The following SMAD6 variants were observed in gnomAD, a reference collection of about 807,000 sequenced individuals.
SMAD6 encodes SMAD family member 6.
SMAD6 carries 103 observed loss-of-function variants against 39.4 expected under a neutral mutation model. That is an observed-to-expected ratio of 2.62 (90% CI 2.23 to 3.08). SMAD6 has a LOEUF of 3.08. Among genes scored for constraint, SMAD6 ranks in the 30% most tolerant of loss-of-function variants. The pLI is 0.00. For missense variants in SMAD6, 1,104 were observed against 742.9 expected, an observed-to-expected ratio of 1.49 and a Z score of -5.65; for synonymous variants, 445 against 353.3, an observed-to-expected ratio of 1.26 and a Z score of -2.91.
intron 3 of SMAD6, among the ~76,000 whole-genome samples, chr15:66,757,948 G>T (rs116893464): frequency 6.6e-6 from 1 of 152,204 alleles, no homozygotes; most frequent in Non-Finnish European, 1.5e-5. Flanking sequence ...GCACTTTCCC[G>T]TGGCCACCAG....
At position 66,703,784 on chromosome 15, in the gene SMAD6, A is replaced by G; in HGVS notation, c.526A>G (p.Thr176Ala). Residue 176 changes from threonine (T) to alanine (A), a missense_variant, in exon 1 of 4, where the codon ACG (threonine) becomes GCG (alanine). Transcript: ENST00000288840. ...LLLEQELKTV[T>A]YSLLKRLKER... ...GCTGGAGCAGGAACTCAAAACCGTC[A>G]CGTACTCGCTGCTGAAGCGGCTCAA... is the stretch of plus-strand genomic sequence containing the variant. 2 of 1,439,790 alleles carry G rather than the reference A, an allele frequency of 1.4e-6. No individual in the cohort carries two copies. Among genetic ancestry groups the G allele is most frequent in the African/African-American group, 1.5e-5 (1 of 67,816 alleles). The allele number at this position is 1,439,790 out of a possible 1,614,324, so 89.2% of individuals were successfully genotyped here. A position where few individuals can be genotyped will look rare whatever the true frequency, so the allele number is the denominator to read the frequency against.
chr15:66,708,715 T>C (rs915319066), intron 1 of SMAD6: 11 of 471,600 alleles, frequency 2.3e-5, no homozygotes, highest in Non-Finnish European at 4.4e-5. Context: ...ATGTCCAGAA[T>C]GGGCAAACCC....
chr15:66,760,637 G>C (rs550545403), intron 3 of SMAD6, among the ~76,000 whole-genome samples: 40 of 152,320 alleles, frequency 2.6e-4, no homozygotes, highest in African/African-American at 9.4e-4. Context: ...AAGTGGCAGA[G>C]CTAGGATTTG....
At position 66,781,308 on chromosome 15, in the gene SMAD6, G is replaced by C. The variant is rs1271966185; in HGVS notation, c.1264G>C (p.Gly422Arg). The change falls in exon 4 of 4, where the codon GGC becomes CGC. Residue 422 changes from glycine to arginine, a missense_variant. Gly to Arg is a moderately radical substitution (Grantham distance 125). Coordinates refer to ENST00000288840, the MANE Select transcript of SMAD6 (RefSeq NM_005585.5). ...VNSPTLDAPG[G>R]RALVVRKVPP... Reference sequence around the variant, plus strand: ...CTCCCCGACGCTGGACGCGCCCGGCGGCCGCGCCCTGGTCGTGCGCAAGGT... The same window carrying C: ...CTCCCCGACGCTGGACGCGCCCGGCCGCCGCGCCCTGGTCGTGCGCAAGGT... 6.2e-7 allele frequency: 1 copy of C among 1,601,380 alleles called. No individual in the cohort carries two copies. The highest frequency in any genetic ancestry group is 8.5e-7 in the Non-Finnish European group (1 of 1,175,466).
intron 1 of SMAD6, chr15:66,708,857 G>A (rs971307914): frequency 2.3e-5 from 10 of 427,022 alleles, no homozygotes; most frequent in Non-Finnish European, 5.0e-5. Flanking sequence ...GTTGATGGTT[G>A]CACAACACTG....
intron 3 of SMAD6, among the ~76,000 whole-genome samples, chr15:66,778,197 C>G (rs888382651): frequency 1.3e-5 from 2 of 151,792 alleles, no homozygotes; most frequent in Non-Finnish European, 2.9e-5. Flanking sequence ...CCTCCTGTCT[C>G]AGCTTCCCAA....
At chr15:66,706,850 T>G (rs949254139) in intron 1 of SMAD6, 3 of 152,254 alleles carry the variant, frequency 2.0e-5, no homozygotes, top group African/African-American at 7.2e-5. Context: ...TCAACTTGAG[T>G]TGTGGCCTTG....
rs896830747 is a variant in SMAD6 at position 66,747,363 on chromosome 15, G to A, written c.952+30865G>A. 1.3e-5 allele frequency among the ~76,000 whole-genome samples: 2 copies of A among 152,252 alleles called. No individual in the cohort carries two copies. The highest frequency in any genetic ancestry group is 2.9e-5 in the Non-Finnish European group (2 of 68,040). The stretch of plus-strand genomic sequence containing the variant: ...GTGCTAAGGAGCCTGGCTTTGATTT[G>A]GACTGCCTCCGTCAGCAGGAGGCTC... On this transcript the variant is annotated intron_variant, in intron 3 of 3. Coordinates refer to ENST00000288840, the MANE Select transcript of SMAD6 (RefSeq NM_005585.5). The surrounding 1 kb of genome is among the most constrained non-coding windows in gnomAD (Gnocchi z 4.5).
At chr15:66,755,815 C>T (rs1227447706) in intron 3 of SMAD6, among the ~76,000 whole-genome samples, 2 of 152,138 alleles carry the variant, frequency 1.3e-5, no homozygotes, top group Non-Finnish European at 2.9e-5. Context: ...GGGCTGAGGA[C>T]CTGAGGCTCA....
chr15:66,758,771 T>C (rs1193220888), intron 3 of SMAD6, among the ~76,000 whole-genome samples: 1 of 152,064 alleles, frequency 6.6e-6, no homozygotes. Context: ...ATTTTGTCTT[T>C]ATGCATCCAG....
chr15:66,762,535 C>T (rs1244553559), intron 3 of SMAD6, among the ~76,000 whole-genome samples: 1 of 152,190 alleles, frequency 6.6e-6, no homozygotes, highest in Middle Eastern at 3.4e-3. Flanking sequence ...GGTGGGAGCA[C>T]TGTCGGGAGG....
At chr15:66,719,400 G>A (rs895236550) in intron 3 of SMAD6, among the ~76,000 whole-genome samples, 1 of 152,138 alleles carries the variant, frequency 6.6e-6, no homozygotes, top group Non-Finnish European at 1.5e-5. Flanking sequence ...GCCCTTCCAG[G>A]CCACTACTGG....
In SMAD6 at chr15:66,781,444, G is replaced by C. The variant is rs1340541410; in HGVS notation, c.1400G>C (p.Ser467Thr). Reference protein sequence around the residue: ...GPYDPNSVRISFAKGWGPCYS... With the variant: ...GPYDPNSVRITFAKGWGPCYS... ...TACGACCCCAACAGCGTCCGCATCA[G>C]CTTCGCCAAGGGCTGGGGGCCCTGC... Residue 467 changes from serine (S) to threonine (T), a missense_variant, in exon 4 of 4, where the codon AGC becomes ACC. Ser to Thr is a moderately conservative substitution (Grantham distance 58). Transcript: ENST00000288840. 1 of 1,605,244 alleles carries C rather than the reference G, an allele frequency of 6.2e-7. No individual in the cohort carries two copies. Among genetic ancestry groups the C allele is most frequent in the Non-Finnish European group, 8.5e-7 (1 of 1,178,294 alleles).
At chr15:66,777,513 G>A (rs762271744) in intron 3 of SMAD6, among the ~76,000 whole-genome samples, 1 of 152,200 alleles carries the variant, frequency 6.6e-6, no homozygotes, top group Non-Finnish European at 1.5e-5. Context: ...AGCTGGGCAT[G>A]ATGATGTACA....
intron 3 of SMAD6, among the ~76,000 whole-genome samples, chr15:66,729,894 G>A (rs573433100): frequency 3.9e-5 from 6 of 152,308 alleles, no homozygotes; most frequent in Non-Finnish European, 7.4e-5. Context: ...TGCTCCAGAC[G>A]AGGGCCTGGG....
At chr15:66,779,601 G>A (rs752634637) in intron 3 of SMAD6, among the ~76,000 whole-genome samples, 22 of 152,182 alleles carry the variant, frequency 1.4e-4, no homozygotes, top group Non-Finnish European at 3.2e-4. Flanking sequence ...TGTTCTTCTG[G>A]GGCTTCTAGG....
At chr15:66,727,971 G>A (rs1595773487) in intron 3 of SMAD6, among the ~76,000 whole-genome samples, 1 of 152,080 alleles carries the variant, frequency 6.6e-6, no homozygotes, top group Admixed American at 6.6e-5. Context: ...TCCTGCCTCA[G>A]CCTCCCCAAG....
At chr15:66,752,413 G>C (rs939023346) in intron 3 of SMAD6, among the ~76,000 whole-genome samples, 8 of 152,194 alleles carry the variant, frequency 5.3e-5, no homozygotes, top group African/African-American at 1.9e-4. Flanking sequence ...AGGATAGATG[G>C]TCTTGTGTCA....
At chr15:66,714,554 A>G (rs1338870645) in intron 2 of SMAD6, among the ~76,000 whole-genome samples, 1 of 152,216 alleles carries the variant, frequency 6.6e-6, no homozygotes. Flanking sequence ...GAGGCCGTAT[A>G]GTTCACAAAG....
Sources: gnomAD v4.1 joint callset for allele counts (sites outside exome capture counted in the v4.1 genomes callset) on GRCh38, gnomAD v4.1.1 for gene constraint, Gnocchi (gnomAD v3.1) non-coding constraint, MANE v1.5 for transcripts, NCBI Gene and HGNC (gene_info 2026-07-23, HGNC 2026-07-21) for gene names.